Variants in CTBP1 observed in about 807,000 individuals in gnomAD.
The protein encoded by CTBP1 is C-terminal binding protein 1, also known as C-terminal-binding protein 1.
CTBP1 carries 11 observed loss-of-function variants against 42.1 expected under a neutral mutation model. That is an observed-to-expected ratio of 0.26 (90% CI 0.16 to 0.43). The LOEUF is 0.43. Among genes scored for constraint, CTBP1 ranks in the 20% least tolerant of loss-of-function variants. The probability of loss-of-function intolerance (pLI) is 1.00; values close to 1 mark genes in which losing one functional copy is unlikely to be tolerated. For synonymous variants in CTBP1, 324 were observed against 277.1 expected, an observed-to-expected ratio of 1.17 and a Z score of -1.68; for missense variants, 399 against 624.3, an observed-to-expected ratio of 0.64 and a Z score of 3.85.
chr4:1,219,134 C>T (rs1160852957), intron 5 of CTBP1, among the ~76,000 whole-genome samples: 1 of 152,108 alleles, frequency 6.6e-6, no homozygotes, highest in East Asian at 1.9e-4. Context: ...GAGTTCTAGA[C>T]CATCCTGAGC....
At chr4:1,237,830 G>A (rs1260868327) in intron 3 of CTBP1, 7 of 695,534 alleles carry the variant, frequency 1.0e-5, no homozygotes, top group Admixed American at 2.0e-5. Context: ...TCCACCTCCT[G>A]ATGGGGCTCA....
In CTBP1 at chr4:1,248,951, C is replaced by T. The variant is rs2108816809; in HGVS notation, c.-224G>A. ...GCCCTTGTTGAGCAAGTGCGAGCTGCCCATCGAGAGGCGCGAGCGGCCGCG... is the reference window on the plus strand; with the variant it reads ...GCCCTTGTTGAGCAAGTGCGAGCTGTCCATCGAGAGGCGCGAGCGGCCGCG... On this transcript the variant is annotated 5_prime_UTR_variant, in exon 1 of 10. Transcript: ENST00000382952. 9.9e-7 allele frequency: 1 copy of T among 1,008,000 alleles called. No homozygotes were observed. The highest frequency in any genetic ancestry group is 1.2e-6 in the Non-Finnish European group (1 of 839,816). The allele number at this position is 1,008,000 out of a possible 1,614,324, so 62.4% of individuals were successfully genotyped here. A position where few individuals can be genotyped will look rare whatever the true frequency, so the allele number is the denominator to read the frequency against.
At chr4:1,221,053 A>G (rs1482385621) in intron 5 of CTBP1, among the ~76,000 whole-genome samples, 2 of 152,256 alleles carry the variant, frequency 1.3e-5, no homozygotes, top group Non-Finnish European at 1.5e-5. Context: ...ATATTCGTAA[A>G]CAAGAAAAAA....
At chr4:1,232,339 T>A (rs1458558512) in intron 3 of CTBP1, among the ~76,000 whole-genome samples, 1 of 152,198 alleles carries the variant, frequency 6.6e-6, no homozygotes, top group African/African-American at 2.4e-5. Context: ...TGAGACAGAG[T>A]CTTGCTCTGT....
chr4:1,228,088 C>A, intron 4 of CTBP1, 111 bp downstream of exon 4: 1 of 1,455,804 alleles, frequency 6.9e-7, no homozygotes, highest in Non-Finnish European at 9.4e-7. Flanking sequence ...CCAGCCACAC[C>A]AGGCAATGTG....
chr4:1,218,206 C>T (rs900843896), intron 5 of CTBP1: 2 of 152,214 alleles, frequency 1.3e-5, no homozygotes, highest in East Asian at 1.9e-4. Flanking sequence ...GAGTTCGAGA[C>T]CAGCCTGGCC....
At chr4:1,248,679 G>A in intron 1 of CTBP1, 3 of 983,014 alleles carry the variant, frequency 3.1e-6, no homozygotes, top group Non-Finnish European at 1.2e-6. Context: ...GCCGCGGGCG[G>A]GGAGAGCAGA....
Position 1,212,326 on chromosome 4 carries a change from G to C in CTBP1, c.1204C>G (p.Pro402Ala), listed in dbSNP as rs1270025509. 4.6e-6 allele frequency: 7 copies of C among 1,519,056 alleles called. No individual in the cohort carries two copies. Among genetic ancestry groups the C allele is most frequent in the East Asian group, 2.6e-5 (1 of 38,054 alleles). 94.1% of individuals were successfully genotyped at this position (1,519,056 alleles called of 1,614,324 possible). A position where few individuals can be genotyped will look rare whatever the true frequency, so the allele number is the denominator to read the frequency against. Residue 402 changes from proline (P) to alanine (A), a missense_variant, in exon 10 of 10, where the codon CCT (proline) becomes GCT (alanine). By Grantham distance (27) the Pro-to-Ala change is conservative. Around this residue, in one of 4 missense-constraint regions of CTBP1, gnomAD observed 60 missense variants for 46.5 expected, o/e 1.29. Coordinates refer to ENST00000382952, the MANE Select transcript of CTBP1 (RefSeq NM_001012614.2). Reference protein sequence around the residue: ...SAMSLSHGLPPVAHPPHAPSP... With the variant: ...SAMSLSHGLPAVAHPPHAPSP... ...GGGGCGTGGGGCGGGTGGGCCACAG[G>C]GGGCAGGCCGTGGGACAGGGACATG...
intron 6 of CTBP1, 77 bp from the exon 7 acceptor site, chr4:1,214,550 G>A (rs567281071): frequency 9.5e-6 from 14 of 1,478,192 alleles, no homozygotes; most frequent in African/African-American, 5.9e-5. Flanking sequence ...AGGTGGTCAC[G>A]CACGCCGTTG....
At chr4:1,242,317 A>G in intron 1 of CTBP1, 2 of 985,366 alleles carry the variant, frequency 2.0e-6, no homozygotes, top group Non-Finnish European at 2.4e-6. Context: ...ATGAAGACAC[A>G]GCACCGAGGC....
intron 1 of CTBP1, chr4:1,244,768 T>C (rs868353718): frequency 1.0e-6 from 1 of 985,314 alleles, no homozygotes; most frequent in Admixed American, 6.1e-5. Flanking sequence ...AAAGCTGCCC[T>C]GCCGTGAGTC....
chr4:1,225,597 C>CG (rs1730248642), intron 4 of CTBP1, 31 bp from the exon 5 acceptor site: 1 of 1,526,636 alleles, frequency 6.6e-7, no homozygotes, highest in Non-Finnish European at 8.8e-7. Context: ...CGGTCACCCC[C>CG]GGGCCGGGCC....
rs899840235 is a variant in CTBP1 at position 1,241,661 on chromosome 4, G to T, written c.-188-142C>A. ...CTGTCTGGGACCTACCTGGACTCGG[G>T]GGCCTGCTGACAGCCAGGGGCCCCG... On this transcript the variant is annotated intron_variant, in intron 1 of 9. Coordinates refer to ENST00000382952, the MANE Select transcript of CTBP1 (RefSeq NM_001012614.2). 22 of 1,309,934 alleles carry T rather than the reference G, an allele frequency of 1.7e-5. No individual in the cohort carries two copies. In the South Asian group the frequency reaches 3.1e-4, roughly 18 times the overall value. The allele number at this position is 1,309,934 out of a possible 1,614,324, so 81.1% of individuals were successfully genotyped here.
intron 1 of CTBP1, chr4:1,248,647 C>T (rs1577090481): frequency 1.0e-6 from 1 of 981,344 alleles, no homozygotes; most frequent in East Asian, 1.2e-4. Flanking sequence ...GGCCCACAGG[C>T]CCTTTTGTGT....
chr4:1,216,387 C>A (rs540153874), intron 5 of CTBP1, 182 bp from the exon 6 acceptor site: 1 of 633,970 alleles, frequency 1.6e-6, no homozygotes, highest in East Asian at 2.7e-5. Flanking sequence ...TCCGCTCCAA[C>A]GCGCCCACTG....
Position 1,225,681 on chromosome 4 carries a change from C to T in CTBP1, c.308-115G>A, listed in dbSNP as rs1420812233. ...GCTTCCCAAGGAAGAAGCCAAAGGCCGTGTCCCCAAGGCCACCCCGGGAGG... is the reference window on the plus strand; with the variant it reads ...GCTTCCCAAGGAAGAAGCCAAAGGCTGTGTCCCCAAGGCCACCCCGGGAGG... On this transcript the variant is annotated intron_variant, in intron 4 of 9. Coordinates refer to ENST00000382952, the MANE Select transcript of CTBP1 (RefSeq NM_001012614.2). 26 of 1,189,044 alleles carry T rather than the reference C, an allele frequency of 2.2e-5. 1 individual carries two copies. Among genetic ancestry groups the T allele is most frequent in the South Asian group, 3.1e-5 (2 of 64,898 alleles). 73.7% of individuals were successfully genotyped at this position (1,189,044 alleles called of 1,614,324 possible).
intron 5 of CTBP1, among the ~76,000 whole-genome samples, chr4:1,221,163 G>A (rs773753128): frequency 6.6e-6 from 1 of 152,224 alleles, no homozygotes; most frequent in Non-Finnish European, 1.5e-5. Flanking sequence ...CGAAAAAGAC[G>A]GCCGGAGGTG....
upstream of CTBP1, chr4:1,249,773 C>G: frequency 9.7e-6 from 3 of 309,514 alleles, no homozygotes; most frequent in South Asian, 4.2e-5. Context: ...AAGTTCAGGG[C>G]TGGAGAACCC....
At chr4:1,217,890 GACA>G (rs1358598448) in intron 5 of CTBP1, 3 of 152,246 alleles carry the variant, frequency 2.0e-5, no homozygotes, top group Non-Finnish European at 2.9e-5. Context: ...GCTCAGAGAT[GACA>G]ACAAGTGTGG....
Sources: gnomAD v4.1 joint callset for allele counts (sites outside exome capture counted in the v4.1 genomes callset) on GRCh38, gnomAD v4.1.1 for gene constraint, gnomAD v4.1.1 regional missense constraint, MANE v1.5 for transcripts, NCBI Gene and HGNC (gene_info 2026-07-23, HGNC 2026-07-21) for gene names.